The following PCGF5 variants were observed in gnomAD, a reference collection of about 807,000 sequenced individuals.
PCGF5 encodes the protein polycomb group ring finger 5, also known as polycomb group RING finger protein 5.
A neutral mutation model predicts 44.3 loss-of-function variants in PCGF5; 9 were observed. That is an observed-to-expected ratio of 0.20 (90% CI 0.12 to 0.35). The LOEUF is 0.35. Ranked by LOEUF, PCGF5 falls within the 10% of genes least tolerant of loss-of-function variation. The probability of loss-of-function intolerance (pLI) is 1.00; values close to 1 mark genes in which losing one functional copy is unlikely to be tolerated. For synonymous variants in PCGF5, 95 were observed against 102.5 expected (o/e 0.93, Z 0.44); for missense variants, 146 against 305.3 (o/e 0.48, Z 3.89).
rs902702137 is a variant in PCGF5 at position 91,187,780 on chromosome 10, G to A, written c.-184+24699G>A. 2.0e-5 allele frequency among the ~76,000 whole-genome samples: 3 copies of A among 152,166 alleles called. No individual in the cohort carries two copies. In the East Asian group the frequency reaches 5.8e-4, roughly 29 times the overall value. On this transcript the variant is annotated intron_variant, in intron 1 of 9. Coordinates refer to the PCGF5 transcript ENST00000614189. Reference sequence around the variant, plus strand: ...AAATATATGTACCTGAAAAATGTCTGTGTAGCCAGAATTCTAGTATTTATT... The same window carrying A: ...AAATATATGTACCTGAAAAATGTCTATGTAGCCAGAATTCTAGTATTTATT...
At chr10:91,165,158 T>G (rs78998538) in intron 1 of PCGF5, among the ~76,000 whole-genome samples, 5 of 152,188 alleles carry the variant, frequency 3.3e-5, no homozygotes, top group Non-Finnish European at 5.9e-5. Context: ...TGGTTTTCTT[T>G]TGATTCATTT....
intron 1 of PCGF5, among the ~76,000 whole-genome samples, chr10:91,171,295 G>A (rs1298949408): frequency 1.3e-5 from 2 of 152,202 alleles, no homozygotes; most frequent in Non-Finnish European, 2.9e-5. Context: ...TGGCTGGGAG[G>A]TGGCTGCATT....
At chr10:91,161,586 C>T (rs549509568), upstream of PCGF5, among the ~76,000 whole-genome samples, 28 of 152,330 alleles carry the variant, frequency 1.8e-4, no homozygotes, top group South Asian at 5.8e-3. Flanking sequence ...GCTTAAGGAA[C>T]ATCTCTGTAG....
intron 1 of PCGF5, among the ~76,000 whole-genome samples, chr10:91,168,435 C>T (rs1211497518): frequency 6.6e-6 from 1 of 152,100 alleles, no homozygotes; most frequent in African/African-American, 2.4e-5. Context: ...GTGAGACCAT[C>T]GTCAGTAGCC....
At chr10:91,183,306 G>A (rs1015815868) in intron 1 of PCGF5, among the ~76,000 whole-genome samples, 11 of 152,054 alleles carry the variant, frequency 7.2e-5, no homozygotes, top group African/African-American at 2.7e-4. Flanking sequence ...ATTTAGAATA[G>A]TTAGATCTTG....
At chr10:91,232,354 TTAA>T (rs1845032090) in intron 2 of PCGF5, among the ~76,000 whole-genome samples, 1 of 152,106 alleles carries the variant, frequency 6.6e-6, no homozygotes, top group African/African-American at 2.4e-5. Flanking sequence ...GTATTTAATC[TTAA>T]TAAAGTAAAG....
At position 91,182,244 on chromosome 10, in the gene PCGF5, T is replaced by C. The variant is rs376002108; in HGVS notation, c.-184+19163T>C. ...CTTTGTACAATTTCAGAACTCGTTA[T>C]TGGTTTGTTCAGGGATTCAGTTTCT... On this transcript the variant is annotated intron_variant, in intron 1 of 9. Transcript: ENST00000614189. Among the ~76,000 whole-genome samples the C allele has an allele frequency of 1.4e-4, 21 of 152,248 alleles. No homozygotes were observed. In the East Asian group the frequency reaches 3.7e-3, roughly 27 times the overall value.
At chr10:91,169,682 C>T (rs370101427) in intron 1 of PCGF5, among the ~76,000 whole-genome samples, 4 of 152,290 alleles carry the variant, frequency 2.6e-5, no homozygotes, top group African/African-American at 9.6e-5. Context: ...TAGGAAGACT[C>T]AATATTGTCA....
At chr10:91,265,654 G>A (rs555552246) in intron 8 of PCGF5, among the ~76,000 whole-genome samples, 5 of 152,232 alleles carry the variant, frequency 3.3e-5, no homozygotes, top group Non-Finnish European at 7.4e-5. Context: ...GTAAACATTT[G>A]TGGAATTATT....
At chr10:91,200,172 G>A (rs1844223819) in intron 1 of PCGF5, among the ~76,000 whole-genome samples, 1 of 152,194 alleles carries the variant, frequency 6.6e-6, no homozygotes, top group Non-Finnish European at 1.5e-5. Context: ...CCCAGAGCCA[G>A]AATAAAAGCC....
intron 1 of PCGF5, among the ~76,000 whole-genome samples, chr10:91,187,112 A>G (rs367901714): frequency 3.9e-5 from 6 of 152,334 alleles, no homozygotes; most frequent in East Asian, 3.9e-4. Context: ...GCTTCAGGCT[A>G]GTAGTTCTCA....
intron 1 of PCGF5, among the ~76,000 whole-genome samples, chr10:91,163,317 G>T (rs1000100806): frequency 6.6e-6 from 1 of 151,184 alleles, no homozygotes; most frequent in African/African-American, 2.4e-5. Flanking sequence ...CTGGAGGCAC[G>T]GCGGGGCCGG....
In PCGF5 at chr10:91,248,571, CTTT is replaced by C. The variant is rs758628759; in HGVS notation, c.265+12_265+14del. 21 of 1,611,582 alleles carry C rather than the reference CTTT, an allele frequency of 1.3e-5. No homozygotes were observed. The South Asian group carries it at 2.0e-4, about 15-fold the overall frequency. The stretch of plus-strand genomic sequence containing the variant: ...CTGGACTACGAGAACGTAAGTGGCT[CTTT>C]AGGTTCTTGCAGACTTTTGTGTTTT... On this transcript the variant is annotated intron_variant, in intron 4 of 9. Coordinates refer to ENST00000336126, the MANE Select transcript of PCGF5 (RefSeq NM_032373.5).
intron 1 of PCGF5, among the ~76,000 whole-genome samples, chr10:91,172,351 G>T (rs544119284): frequency 6.6e-6 from 1 of 152,142 alleles, no homozygotes; most frequent in South Asian, 2.1e-4. Context: ...CCCAGGAGGC[G>T]GAGGTTGTAG....
intron 9 of PCGF5, among the ~76,000 whole-genome samples, chr10:91,272,450 G>A (rs565790324): frequency 6.6e-6 from 1 of 151,804 alleles, no homozygotes. Flanking sequence ...TTTGAGACCA[G>A]TCTGGGCAAT....
chr10:91,160,639 G>T (rs1011118458), upstream of PCGF5, among the ~76,000 whole-genome samples: 2 of 152,038 alleles, frequency 1.3e-5, no homozygotes, highest in African/African-American at 2.4e-5. Context: ...AGAGACTCTG[G>T]GGGGGAAAAG....
chr10:91,238,835 A>G (rs1845250084), intron 2 of PCGF5, among the ~76,000 whole-genome samples: 1 of 151,936 alleles, frequency 6.6e-6, no homozygotes, highest in African/African-American at 2.4e-5. Context: ...AAGGCAAAGT[A>G]TTCAATTGTA....
chr10:91,243,083 TAAG>T (rs1047168275), intron 3 of PCGF5, among the ~76,000 whole-genome samples: 1 of 152,106 alleles, frequency 6.6e-6, no homozygotes, highest in African/African-American at 2.4e-5. Context: ...TTTTAAAGGA[TAAG>T]AAGAAATGGT....
upstream of PCGF5, among the ~76,000 whole-genome samples, chr10:91,158,890 G>C (rs937951558): frequency 3.3e-5 from 5 of 152,116 alleles, no homozygotes; most frequent in African/African-American, 1.2e-4. Flanking sequence ...TACTATATCA[G>C]AACTTGTAAC....
Sources: gnomAD v4.1 joint callset for allele counts (sites outside exome capture counted in the v4.1 genomes callset) on GRCh38, gnomAD v4.1.1 for gene constraint, MANE v1.5 for transcripts, NCBI Gene and HGNC (gene_info 2026-07-23, HGNC 2026-07-21) for gene names.